SLC24A2: variants seen among roughly 807,000 people sequenced by gnomAD.
The protein encoded by SLC24A2 is sodium/potassium/calcium exchanger 2.
A neutral mutation model predicts 62.0 loss-of-function variants in SLC24A2; 36 were observed. The observed-to-expected ratio is 0.58, with a 90% CI of 0.44 to 0.77. The LOEUF (loss-of-function observed/expected upper bound fraction) is 0.77. SLC24A2 is among the 30% of genes least tolerant of loss of function. SLC24A2 has a pLI of 0.00. For missense variants in SLC24A2, 846 were observed against 817.9 expected, an observed-to-expected ratio of 1.03 and a Z score of -0.42; for synonymous variants, 358 against 294.0, an observed-to-expected ratio of 1.22 and a Z score of -2.23.
chr9:19,745,935 CCTTT>C (rs1236683171), intron 2 of SLC24A2, among the ~76,000 whole-genome samples: 1 of 151,938 alleles, frequency 6.6e-6, no homozygotes, highest in Non-Finnish European at 1.5e-5. Context: ...ATATCATAGC[CCTTT>C]CTTTCTGTGT....
the SLC24A2 span, among the ~76,000 whole-genome samples, chr9:20,084,070 C>G: frequency 6.6e-6 from 1 of 152,272 alleles, no homozygotes; most frequent in African/African-American, 2.4e-5. Flanking sequence ...CATTAGGCAG[C>G]AGATCTTGGC....
At chr9:19,735,697 T>C (rs1384168311) in intron 2 of SLC24A2, among the ~76,000 whole-genome samples, 4 of 152,184 alleles carry the variant, frequency 2.6e-5, no homozygotes, top group South Asian at 4.1e-4. Context: ...GATGAGTTCA[T>C]GTCCTTTGTA....
chr9:19,870,538 C>G, the SLC24A2 span, among the ~76,000 whole-genome samples: 1 of 152,082 alleles, frequency 6.6e-6, no homozygotes, highest in Non-Finnish European at 1.5e-5. Context: ...AGTAGTATTA[C>G]TGAGTCATAT....
At chr9:20,214,894 T>C in the SLC24A2 span, among the ~76,000 whole-genome samples, 1 of 152,114 alleles carries the variant, frequency 6.6e-6, no homozygotes, top group South Asian at 2.1e-4. Flanking sequence ...TAATATAACA[T>C]AGAAAAATTA....
At chr9:19,688,108 G>T (rs532888463) in intron 2 of SLC24A2, among the ~76,000 whole-genome samples, 2 of 152,164 alleles carry the variant, frequency 1.3e-5, no homozygotes, top group South Asian at 4.1e-4. Flanking sequence ...AAATCAATTT[G>T]TTCAGCTTGT....
At chr9:20,205,817 C>T in the SLC24A2 span, among the ~76,000 whole-genome samples, 1 of 152,106 alleles carries the variant, frequency 6.6e-6, no homozygotes, top group South Asian at 2.1e-4. Flanking sequence ...AACTTTCAAG[C>T]ACAAGCTAGA....
the SLC24A2 span, among the ~76,000 whole-genome samples, chr9:20,082,711 A>C: frequency 6.6e-6 from 1 of 152,182 alleles, no homozygotes; most frequent in Non-Finnish European, 1.5e-5. Context: ...TGTGCTTCCC[A>C]CCTCTATTCC....
chr9:19,889,743 C>T, the SLC24A2 span, among the ~76,000 whole-genome samples: 823 of 152,322 alleles, frequency 5.4e-3, 7 homozygotes, highest in Non-Finnish European at 9.6e-3. Context: ...ACCATGGTGG[C>T]TGTCAAAATC....
rs530835481 is a variant in SLC24A2, at chr9:19,774,287, T to C, written c.930+11650A>G. On this transcript the variant is annotated intron_variant, in intron 2 of 10. Coordinates refer to ENST00000341998, the MANE Select transcript of SLC24A2 (RefSeq NM_020344.4). The stretch of plus-strand genomic sequence containing the variant: ...CATACCCTCCCTATGAGGAAAATGC[T>C]ATTACTTTAAAAATTTATGGATAAG... Among the ~76,000 whole-genome samples, 13 of 152,290 alleles carry C rather than the reference T, an allele frequency of 8.5e-5. No individual in the cohort carries two copies. In the South Asian group the frequency reaches 2.7e-3, roughly 32 times the overall value.
At chr9:20,300,429 G>A in the SLC24A2 span, among the ~76,000 whole-genome samples, 1 of 152,092 alleles carries the variant, frequency 6.6e-6, no homozygotes, top group Admixed American at 6.5e-5. Flanking sequence ...TGGAACTATT[G>A]TGAGAAACTA....
chr9:20,265,825 G>T, the SLC24A2 span, among the ~76,000 whole-genome samples: 3 of 152,172 alleles, frequency 2.0e-5, no homozygotes, highest in African/African-American at 7.2e-5. Context: ...CTTTTTCTCA[G>T]CAAGGAACAT....
chr9:20,034,559 C>T, the SLC24A2 span, among the ~76,000 whole-genome samples: 55 of 150,734 alleles, frequency 3.6e-4, no homozygotes, highest in Non-Finnish European at 5.2e-4. Flanking sequence ...CCCCCCACCC[C>T]GGGTTCACTC....
At chr9:19,535,998 G>C (rs946985364) in intron 8 of SLC24A2, among the ~76,000 whole-genome samples, 8 of 151,396 alleles carry the variant, frequency 5.3e-5, no homozygotes, top group Admixed American at 1.3e-4. Flanking sequence ...CCATTTATTT[G>C]TGTCCTCTCT....
chr9:20,040,622 T>C, the SLC24A2 span, among the ~76,000 whole-genome samples: 2 of 152,224 alleles, frequency 1.3e-5, no homozygotes, highest in Non-Finnish European at 2.9e-5. Context: ...ACTTCTAGAC[T>C]TATTCTTTGT....
chr9:19,656,224 C>G (rs562832052), intron 2 of SLC24A2, among the ~76,000 whole-genome samples: 28 of 152,206 alleles, frequency 1.8e-4, no homozygotes, highest in Non-Finnish European at 4.0e-4. Flanking sequence ...AATAAAAAGT[C>G]TTTGTGGTTG....
chr9:19,820,039 A>G, the SLC24A2 span, among the ~76,000 whole-genome samples: 9 of 20,674 alleles, frequency 4.4e-4, no homozygotes, highest in African/African-American at 5.5e-4. Context: ...ATATATATAT[A>G]TACATATATA....
chr9:20,069,296 C>T, the SLC24A2 span, among the ~76,000 whole-genome samples: 1 of 152,122 alleles, frequency 6.6e-6, no homozygotes, highest in East Asian at 1.9e-4. Context: ...AAATTTTCGC[C>T]TCCTATATTG....
chr9:19,631,603 G>C (rs1242817727), intron 2 of SLC24A2, among the ~76,000 whole-genome samples: 1 of 152,134 alleles, frequency 6.6e-6, no homozygotes, highest in Non-Finnish European at 1.5e-5. Context: ...CCCCACGGAT[G>C]CTCTGCAAAC....
chr9:19,542,280 G>A (rs908965157), intron 8 of SLC24A2, among the ~76,000 whole-genome samples: 2 of 152,136 alleles, frequency 1.3e-5, no homozygotes, highest in African/African-American at 4.8e-5. Context: ...GTGATTTTTT[G>A]CACATTGATA....
Sources: gnomAD v4.1 joint callset for allele counts (sites outside exome capture counted in the v4.1 genomes callset) on GRCh38, gnomAD v4.1.1 for gene constraint, MANE v1.5 for transcripts, NCBI Gene and HGNC (gene_info 2026-07-23, HGNC 2026-07-21) for gene names.